The following STXBP5L variants were observed in gnomAD, a reference collection of about 807,000 sequenced individuals.
STXBP5L encodes the protein syntaxin-binding protein 5-like.
In STXBP5L, 65 loss-of-function variants were observed where a neutral mutation model predicts 144.5. The ratio of observed to expected loss-of-function variants is 0.45; its 90% confidence interval spans 0.37 to 0.55. STXBP5L has a LOEUF of 0.55. Among genes scored for constraint, STXBP5L ranks in the 20% least tolerant of loss-of-function variants. STXBP5L has a pLI of 0.00. For synonymous variants in STXBP5L, 505 were observed against 469.6 expected, an observed-to-expected ratio of 1.08 and a Z score of -0.97; for missense variants, 1,298 against 1,405.5, an observed-to-expected ratio of 0.92 and a Z score of 1.22.
chr3:121,058,480 G>A (rs1421481074), intron 5 of STXBP5L, among the ~76,000 whole-genome samples: 1 of 152,138 alleles, frequency 6.6e-6, no homozygotes, highest in Non-Finnish European at 1.5e-5. Flanking sequence ...TAATCCTTTG[G>A]TTATATACCC....
At chr3:121,013,937 C>T (rs1576662909) in intron 3 of STXBP5L, among the ~76,000 whole-genome samples, 2 of 152,080 alleles carry the variant, frequency 1.3e-5, no homozygotes, top group East Asian at 1.9e-4. Context: ...TGTCAAAGAT[C>T]AGATGGTTGT....
chr3:120,981,980 A>G (rs1359930795), intron 3 of STXBP5L, among the ~76,000 whole-genome samples: 2 of 152,196 alleles, frequency 1.3e-5, no homozygotes, highest in African/African-American at 2.4e-5. Flanking sequence ...GCTTTCTTAA[A>G]TGCCAGTTTT....
chr3:121,103,564 G>T (rs763857454), intron 5 of STXBP5L, among the ~76,000 whole-genome samples: 1 of 152,026 alleles, frequency 6.6e-6, no homozygotes, highest in African/African-American at 2.4e-5. Context: ...ATTGACTGTT[G>T]GGTACTGTGC....
rs114879693 is a variant in STXBP5L at position 121,422,726 on chromosome 3, C to A, written c.*3629C>A. The A allele has an allele frequency of 6.6e-6, 1 of 152,082 alleles. No homozygotes were observed. Among genetic ancestry groups the A allele is most frequent in the Non-Finnish European group, 1.5e-5 (1 of 68,004 alleles). The allele number at this position is 152,082 out of a possible 1,614,324, so 9.4% of individuals were successfully genotyped here. A position where few individuals can be genotyped will look rare whatever the true frequency, so the allele number is the denominator to read the frequency against. On this transcript the variant is annotated 3_prime_UTR_variant, in exon 27 of 27. Coordinates refer to ENST00000471454, the MANE Select transcript of STXBP5L (RefSeq NM_001308330.2). ...TTTTCCAGTGATTCAGTCACAAAGA[C>A]AATTTTCTCAGATCTTTTGAAAGTG...
chr3:120,953,503 T>A (rs999758274), intron 2 of STXBP5L, among the ~76,000 whole-genome samples: 2 of 80,992 alleles, frequency 2.5e-5, no homozygotes, highest in South Asian at 6.1e-4. Context: ...GAATTTTTCC[T>A]TTTTTTTTTT....
intron 3 of STXBP5L, among the ~76,000 whole-genome samples, chr3:120,956,941 G>A (rs2107711789): frequency 6.6e-6 from 1 of 151,930 alleles, no homozygotes; most frequent in East Asian, 1.9e-4. Context: ...TTTCTTCTAA[G>A]AGTTTTATAG....
At chr3:120,953,078 G>A (rs1287813102) in intron 2 of STXBP5L, among the ~76,000 whole-genome samples, 2 of 151,646 alleles carry the variant, frequency 1.3e-5, no homozygotes, top group Non-Finnish European at 2.9e-5. Flanking sequence ...GGGATTACAG[G>A]TGCAAGTCAC....
intron 3 of STXBP5L, among the ~76,000 whole-genome samples, chr3:121,002,673 T>A (rs193234076): frequency 6.6e-6 from 1 of 152,288 alleles, no homozygotes; most frequent in Admixed American, 6.5e-5. Flanking sequence ...TCATTTTACA[T>A]TAGGTATACC....
intron 2 of STXBP5L, among the ~76,000 whole-genome samples, chr3:120,915,602 A>G (rs1405271858): frequency 6.6e-6 from 1 of 152,092 alleles, no homozygotes; most frequent in Non-Finnish European, 1.5e-5. Context: ...TTAGTCTTAA[A>G]AGGAGGATAA....
intron 9 of STXBP5L, among the ~76,000 whole-genome samples, chr3:121,203,922 A>C (rs146832225): frequency 6.6e-6 from 1 of 152,190 alleles, no homozygotes; most frequent in Middle Eastern, 3.4e-3. Flanking sequence ...GTAATCTCCA[A>C]CCATCTATTT....
chr3:120,950,794 G>A (rs1711169313), intron 2 of STXBP5L, among the ~76,000 whole-genome samples: 1 of 151,966 alleles, frequency 6.6e-6, no homozygotes, highest in African/African-American at 2.4e-5. Context: ...CACAGAATTG[G>A]AAAAAACTAC....
At chr3:120,979,750 A>T (rs1244632816) in intron 3 of STXBP5L, among the ~76,000 whole-genome samples, 1 of 151,810 alleles carries the variant, frequency 6.6e-6, no homozygotes, top group African/African-American at 2.4e-5. Context: ...TTCTGCTCTG[A>T]TCTTTGTTGT....
chr3:121,060,469 G>T (rs2041214808), intron 5 of STXBP5L, among the ~76,000 whole-genome samples: 1 of 151,862 alleles, frequency 6.6e-6, no homozygotes, highest in South Asian at 2.1e-4. Context: ...TTTGGTGTCA[G>T]GATGAAGCTG....
intron 9 of STXBP5L, among the ~76,000 whole-genome samples, chr3:121,190,911 C>T (rs1404552466): frequency 6.6e-6 from 1 of 151,674 alleles, no homozygotes; most frequent in African/African-American, 2.4e-5. Flanking sequence ...GGGGTCACGG[C>T]CGGGCAGAGG....
rs368193841 is a variant in STXBP5L at position 121,331,429 on chromosome 3, T to G, written c.2176+12889T>G. ...TGACTGCTTTTCCACAGAAGGAGCA[T>G]CCTCCAAGTTCAGGCTTGCATGAAA... is the stretch of plus-strand genomic sequence containing the variant. On this transcript the variant is annotated intron_variant, in intron 20 of 26. Transcript: ENST00000471454. Among the ~76,000 whole-genome samples the G allele has an allele frequency of 5.2e-4, 79 of 152,290 alleles. 1 individual carries two copies. In the South Asian group the frequency reaches 0.015, roughly 30 times the overall value.
At chr3:121,176,589 A>G (rs1400680328) in intron 9 of STXBP5L, among the ~76,000 whole-genome samples, 2 of 151,860 alleles carry the variant, frequency 1.3e-5, no homozygotes, top group African/African-American at 4.8e-5. Flanking sequence ...TCAAATCAAA[A>G]ATTTAAAAAT....
chr3:121,389,934 A>T (rs371341347), intron 22 of STXBP5L, among the ~76,000 whole-genome samples: 4 of 152,260 alleles, frequency 2.6e-5, no homozygotes, highest in Admixed American at 6.5e-5. Context: ...CAAGTCCTGG[A>T]TATCCTTGTT....
chr3:120,960,252 G>A (rs1312003249), intron 3 of STXBP5L, among the ~76,000 whole-genome samples: 2 of 152,118 alleles, frequency 1.3e-5, no homozygotes, highest in Non-Finnish European at 2.9e-5. Context: ...TAAAAAGTCA[G>A]GAAACAACAG....
chr3:121,057,675 G>T (rs916844233), intron 5 of STXBP5L, among the ~76,000 whole-genome samples: 3 of 151,832 alleles, frequency 2.0e-5, no homozygotes, highest in African/African-American at 7.3e-5. Flanking sequence ...TCATTATTAT[G>T]TACTATTCTA....
Sources: gnomAD v4.1 joint callset for allele counts (sites outside exome capture counted in the v4.1 genomes callset) on GRCh38, gnomAD v4.1.1 for gene constraint, MANE v1.5 for transcripts, NCBI Gene and HGNC (gene_info 2026-07-23, HGNC 2026-07-21) for gene names.